Variants in ADARB1 observed in about 807,000 individuals in gnomAD.
The protein encoded by ADARB1 is adenosine deaminase RNA specific B1.
Under a neutral mutation model 52.4 loss-of-function variants are expected in ADARB1, and 10 were observed. The observed-to-expected ratio is 0.19, with a 90% CI of 0.12 to 0.32. ADARB1 has a LOEUF of 0.32. Among genes scored for constraint, ADARB1 ranks in the 10% least tolerant of loss-of-function variants. The pLI is 1.00. For missense variants in ADARB1, 643 were observed against 922.3 expected (o/e 0.70, Z 3.92); for synonymous variants, 349 against 371.1 (o/e 0.94, Z 0.68).
chr21:45,194,758 T>A (rs2092387305), intron 8 of ADARB1, among the ~76,000 whole-genome samples: 2 of 152,252 alleles, frequency 1.3e-5, no homozygotes, highest in Admixed American at 1.3e-4. Flanking sequence ...TTTCATGGCT[T>A]GATAGCTCAT....
chr21:45,105,033 C>G (rs917604212), intron 1 of ADARB1, among the ~76,000 whole-genome samples: 1 of 152,164 alleles, frequency 6.6e-6, no homozygotes, highest in Non-Finnish European at 1.5e-5. Context: ...GGCTTTACTT[C>G]CCAGGTGATT....
intron 2 of ADARB1, among the ~76,000 whole-genome samples, chr21:45,135,985 G>A (rs938923494): frequency 5.2e-4 from 79 of 152,316 alleles, no homozygotes; most frequent in Middle Eastern, 3.4e-3. Context: ...CAGCAGCCAC[G>A]GGACTAGGCA....
chr21:45,091,417 G>C (rs1416901374), intron 1 of ADARB1, among the ~76,000 whole-genome samples: 3 of 152,224 alleles, frequency 2.0e-5, no homozygotes, highest in Non-Finnish European at 4.4e-5. Context: ...AATGATGAAA[G>C]TGTTGTAATA....
intron 1 of ADARB1, among the ~76,000 whole-genome samples, chr21:45,075,903 G>A (rs1447479684): frequency 6.6e-6 from 1 of 152,104 alleles, no homozygotes. Context: ...TATCAAACTT[G>A]TTTCTTTAAC....
chr21:45,134,234 C>CA (rs1569048687), intron 2 of ADARB1, among the ~76,000 whole-genome samples: 2 of 3,822 alleles, frequency 5.2e-4, no homozygotes, highest in East Asian at 6.4e-3. Context: ...GTGCGCCCGC[C>CA]GGGTGTGTGC....
chr21:45,158,887 A>AGT (rs1008808474), intron 2 of ADARB1, among the ~76,000 whole-genome samples: 5 of 152,032 alleles, frequency 3.3e-5, no homozygotes, highest in African/African-American at 1.2e-4. Flanking sequence ...GGTGGGTTGG[A>AGT]GTGTGACTCA....
At chr21:45,109,246 C>T (rs546530731) in intron 1 of ADARB1, among the ~76,000 whole-genome samples, 8 of 132,298 alleles carry the variant, frequency 6.0e-5, no homozygotes, top group South Asian at 2.6e-4. Context: ...TGTGTGTGCG[C>T]GCGTGTGCGT....
At chr21:45,215,387 A>C (rs868815786) in intron 9 of ADARB1, among the ~76,000 whole-genome samples, 1 of 149,800 alleles carries the variant, frequency 6.7e-6, no homozygotes, top group African/African-American at 2.5e-5. Flanking sequence ...AGCTCAAGAC[A>C]TTTTTTTTTT....
rs920665976 is a variant in ADARB1, at chr21:45,074,598, T to TGGCGGC, written c.-396_-391dup. The stretch of plus-strand genomic sequence containing the variant: ...CGGGGCTGAGGCGCTGAGGCGGCCG[T>TGGCGGC]GGCGGCGGCGGCGGCGGCGGCGGCA... On this transcript the variant is annotated 5_prime_UTR_variant, in exon 1 of 11. Transcript: ENST00000348831. 0.065 allele frequency: 9,498 copies of TGGCGGC among 145,316 alleles called. 383 individuals are homozygous for TGGCGGC. The highest frequency in any genetic ancestry group is 0.12 in the Admixed American group (1,769 of 14,248). The allele number at this position is 145,316 out of a possible 1,614,324, so 9.0% of individuals were successfully genotyped here. A position where few individuals can be genotyped will look rare whatever the true frequency, so the allele number is the denominator to read the frequency against.
chr21:45,224,757 C>T lies in ADARB1; in HGVS notation c.*2560C>T, dbSNP rs2093034884. On this transcript the variant is annotated 3_prime_UTR_variant, in exon 11 of 11. Transcript: ENST00000348831. ...CGGCTGTGGGGAGGAAGGTGACGTG[C>T]AGGGGACCAGAGGCTCTGCACTGCT... The T allele has an allele frequency of 1.1e-6, 1 of 948,126 alleles. No homozygotes were observed. The highest frequency in any genetic ancestry group is 1.2e-6 in the Non-Finnish European group (1 of 813,540). 58.7% of individuals were successfully genotyped at this position (948,126 alleles called of 1,614,324 possible).
Position 45,225,774 on chromosome 21 carries a change from A to G in ADARB1, c.*3577A>G, listed in dbSNP as rs976474905. ...TCCCACCTCTAAATTCTGTAAAATT[A>G]TAGACTTGCTCAAAAGATTCCTTTT... On this transcript the variant is annotated 3_prime_UTR_variant, in exon 11 of 11. Transcript: ENST00000348831. 1.5e-5 allele frequency: 6 copies of G among 400,144 alleles called. No individual in the cohort carries two copies. In the Admixed American group the frequency reaches 2.2e-4, roughly 15 times the overall value. 24.8% of individuals were successfully genotyped at this position (400,144 alleles called of 1,614,324 possible).
intron 4 of ADARB1, among the ~76,000 whole-genome samples, chr21:45,180,092 C>G (rs946643721): frequency 2.0e-5 from 3 of 152,216 alleles, no homozygotes; most frequent in African/African-American, 7.2e-5. Flanking sequence ...CCACACTGGC[C>G]CCACGCGGGT....
At chr21:45,111,822 T>C (rs431529) in intron 1 of ADARB1, among the ~76,000 whole-genome samples, 131,404 of 152,180 alleles carry the variant, frequency 0.86, 56,931 homozygotes, top group Non-Finnish European at 0.9. Context: ...AGCAAAACTG[T>C]TCTGACCATA....
At chr21:45,090,814 T>G (rs1175972580) in intron 1 of ADARB1, among the ~76,000 whole-genome samples, 1 of 152,228 alleles carries the variant, frequency 6.6e-6, no homozygotes, top group Non-Finnish European at 1.5e-5. Flanking sequence ...TTCTCTTCTG[T>G]GCACATGCAG....
chr21:45,150,403 A>G (rs2090223848), intron 2 of ADARB1, among the ~76,000 whole-genome samples: 1 of 152,224 alleles, frequency 6.6e-6, no homozygotes, highest in Non-Finnish European at 1.5e-5. Context: ...TCAAAAAATT[A>G]TTTTTTCTAA....
intron 1 of ADARB1, among the ~76,000 whole-genome samples, chr21:45,112,491 C>T (rs572723090): frequency 1.3e-4 from 19 of 150,958 alleles, no homozygotes; most frequent in African/African-American, 4.4e-4. Flanking sequence ...GGCTTGGGGT[C>T]GGGGGTGAGC....
At chr21:45,165,078 C>T (rs1040108685) in intron 2 of ADARB1, among the ~76,000 whole-genome samples, 2 of 152,152 alleles carry the variant, frequency 1.3e-5, no homozygotes, top group African/African-American at 4.8e-5. Flanking sequence ...CCTCACCAGG[C>T]CCACCCCCGC....
intron 8 of ADARB1, among the ~76,000 whole-genome samples, chr21:45,188,305 C>T (rs956518352): frequency 6.6e-6 from 1 of 152,142 alleles, no homozygotes; most frequent in South Asian, 2.1e-4. Flanking sequence ...TAGAGTTTCA[C>T]CATGTTGGTC....
rs1329859760 is a variant in ADARB1, at chr21:45,134,875, A to G, written c.-48+6302A>G. 3 of 527,958 alleles carry G rather than the reference A, an allele frequency of 5.7e-6. No individual in the cohort carries two copies. In the Admixed American group the frequency reaches 5.9e-5, roughly 10 times the overall value. 32.7% of individuals were successfully genotyped at this position (527,958 alleles called of 1,614,324 possible). A position where few individuals can be genotyped will look rare whatever the true frequency, so the allele number is the denominator to read the frequency against. Reference sequence around the variant, plus strand: ...TTTGTGGTCAGGGGCACCCAGCACCACACCCCTGGCTGCCGTTGACAGCTG... The same window carrying G: ...TTTGTGGTCAGGGGCACCCAGCACCGCACCCCTGGCTGCCGTTGACAGCTG... On this transcript the variant is annotated intron_variant, in intron 2 of 10. Coordinates refer to ENST00000348831, the MANE Select transcript of ADARB1 (RefSeq NM_001112.4).
Sources: allele counts gnomAD v4.1 joint callset (sites outside exome capture counted in the v4.1 genomes callset), GRCh38; gene constraint gnomAD v4.1.1; transcripts MANE v1.5; gene names NCBI Gene and HGNC (gene_info 2026-07-23, HGNC 2026-07-21).